Variants in STAT5B observed in about 807,000 individuals in gnomAD.
The protein encoded by STAT5B is signal transducer and activator of transcription 5B.
In STAT5B, 21 loss-of-function variants were observed where a neutral mutation model predicts 107.8. That is an observed-to-expected ratio of 0.19 (90% CI 0.14 to 0.28). STAT5B has a LOEUF of 0.28. STAT5B is among the 10% of genes least tolerant of loss of function. The pLI is 1.00. For synonymous variants in STAT5B, 325 were observed against 401.7 expected, an observed-to-expected ratio of 0.81 and a Z score of 2.28; for missense variants, 565 against 1,008.2, an observed-to-expected ratio of 0.56 and a Z score of 5.95.
At chr17:42,278,198 T>G (rs1180674959), upstream of STAT5B, among the ~76,000 whole-genome samples, 1 of 152,216 alleles carries the variant, frequency 6.6e-6, no homozygotes. Flanking sequence ...ACCGCGTTAT[T>G]CATGCCTCTA....
chr17:42,240,497 A>C (rs2080393008), intron 1 of STAT5B, among the ~76,000 whole-genome samples: 1 of 152,178 alleles, frequency 6.6e-6, no homozygotes, highest in African/African-American at 2.4e-5. Context: ...GGGAGGGAGA[A>C]ATGGGGAATG....
chr17:42,204,391 C>T (rs1422655651), intron 16 of STAT5B, among the ~76,000 whole-genome samples: 1 of 152,152 alleles, frequency 6.6e-6, no homozygotes, highest in Non-Finnish European at 1.5e-5. Context: ...TTATACTAGG[C>T]AAGGACGATC....
chr17:42,247,821 C>T (rs904293592), intron 1 of STAT5B, among the ~76,000 whole-genome samples: 6 of 151,876 alleles, frequency 4.0e-5, no homozygotes, highest in African/African-American at 1.2e-4. Context: ...CGTGTGGTGG[C>T]GCACACCTGT....
At chr17:42,266,876 A>G (rs1224575073) in intron 1 of STAT5B, among the ~76,000 whole-genome samples, 2 of 152,152 alleles carry the variant, frequency 1.3e-5, no homozygotes, top group Admixed American at 1.3e-4. Flanking sequence ...CATACATTAC[A>G]ATGAAATTAG....
At chr17:42,272,035 C>T (rs2080725607) in intron 1 of STAT5B, 1 of 152,158 alleles carries the variant, frequency 6.6e-6, no homozygotes, top group Non-Finnish European at 1.5e-5. Flanking sequence ...TATTACACTT[C>T]TTAGCATAAA....
the STAT5B span, among the ~76,000 whole-genome samples, chr17:42,284,363 T>C: frequency 6.6e-6 from 1 of 151,978 alleles, no homozygotes; most frequent in Non-Finnish European, 1.5e-5. Flanking sequence ...ACCTCCCTGG[T>C]TCAAGTGATT....
At chr17:42,211,885 T>C (rs1413515311) in intron 13 of STAT5B, 99 bp downstream of exon 13, 5 of 1,520,636 alleles carry the variant, frequency 3.3e-6, no homozygotes, top group African/African-American at 1.4e-5. Context: ...GTACATTTTA[T>C]TAGAGACATG....
chr17:42,241,392 T>C (rs1011564432), intron 1 of STAT5B, among the ~76,000 whole-genome samples: 2 of 151,532 alleles, frequency 1.3e-5, no homozygotes, highest in African/African-American at 4.8e-5. Flanking sequence ...CTGCTTTCTG[T>C]TGATACCAAC....
At chr17:42,273,421 A>T (rs1308234975) in intron 1 of STAT5B, among the ~76,000 whole-genome samples, 6 of 152,226 alleles carry the variant, frequency 3.9e-5, no homozygotes, top group African/African-American at 1.4e-4. Flanking sequence ...TATTCTTCTC[A>T]AGAGTCCAGT....
chr17:42,248,297 T>A lies in STAT5B; in HGVS notation c.-10-16160A>T, dbSNP rs866486373. 2.2e-3 allele frequency among the ~76,000 whole-genome samples: 258 copies of A among 117,838 alleles called. 2 individuals are homozygous for A. Among genetic ancestry groups the A allele is most frequent in the South Asian group, 0.014 (47 of 3,448 alleles). The allele number at this position is 117,838 out of a possible 152,430, so 77.3% of individuals were successfully genotyped here. ...CCAAAAAAAAAAAAAAAAAAAAAAA[T>A]CTTATTCTAATTCTGAGAAGAAATG... is the stretch of plus-strand genomic sequence containing the variant. On this transcript the variant is annotated intron_variant, in intron 1 of 18. Transcript: ENST00000293328.
At chr17:42,285,021 C>T in the STAT5B span, among the ~76,000 whole-genome samples, 1 of 151,966 alleles carries the variant, frequency 6.6e-6, no homozygotes, top group South Asian at 2.1e-4. Context: ...GAAGCCTAGG[C>T]TGCAGACTAT....
At chr17:42,262,096 C>A (rs770019629) in intron 1 of STAT5B, among the ~76,000 whole-genome samples, 1 of 152,120 alleles carries the variant, frequency 6.6e-6, no homozygotes, top group Non-Finnish European at 1.5e-5. Flanking sequence ...TATTTAAATT[C>A]TCTTAAAGTA....
chr17:42,263,001 TATATATATATATATAA>T (rs1246867365), intron 1 of STAT5B, among the ~76,000 whole-genome samples: 5,869 of 56,750 alleles, frequency 0.1, 429 homozygotes, highest in African/African-American at 0.13. Context: ...TATATATATA[TATATATATATATATAA>T]AAAAACAAAA....
At chr17:42,258,119 T>C (rs1044816840) in intron 1 of STAT5B, among the ~76,000 whole-genome samples, 1 of 152,220 alleles carries the variant, frequency 6.6e-6, no homozygotes, top group Non-Finnish European at 1.5e-5. Context: ...TTTCCCTTTA[T>C]GGAAATCATC....
At chr17:42,273,371 T>C (rs2080736882) in intron 1 of STAT5B, among the ~76,000 whole-genome samples, 1 of 152,246 alleles carries the variant, frequency 6.6e-6, no homozygotes, top group South Asian at 2.1e-4. Flanking sequence ...AGTTAAAGTA[T>C]TTTGATACTT....
Position 42,217,379 on chromosome 17 carries a change from T to C in STAT5B, c.1255A>G (p.Met419Val). Reference sequence around the variant, plus strand: ...TCTTCCTCTTCTTCCACCCTCACCATATTCCTGAAGTGGGCACTAAGGGTG... The same window carrying C: ...TCTTCCTCTTCTTCCACCCTCACCACATTCCTGAAGTGGGCACTAAGGGTG... ...TGTLSAHFRN[M>V]SLKRIKRSDR... The change falls in exon 10 of 19, where the codon ATG (methionine) becomes GTG (valine). Residue 419 changes from methionine (M) to valine (V), a missense_variant and splice_region_variant. Coordinates refer to ENST00000293328, the MANE Select transcript of STAT5B (RefSeq NM_012448.4). 1.9e-6 allele frequency: 3 copies of C among 1,614,214 alleles called. No individual in the cohort carries two copies. The highest frequency in any genetic ancestry group is 2.5e-6 in the Non-Finnish European group (3 of 1,180,046).
chr17:42,256,404 G>A (rs956862793), intron 1 of STAT5B, among the ~76,000 whole-genome samples: 1 of 152,018 alleles, frequency 6.6e-6, no homozygotes, highest in African/African-American at 2.4e-5. Flanking sequence ...TTCTTCCACA[G>A]TAAAAGGCAC....
intron 12 of STAT5B, 77 bp from the exon 13 acceptor site, chr17:42,212,267 C>G (rs2080135907): frequency 3.1e-6 from 5 of 1,608,976 alleles, no homozygotes; most frequent in Non-Finnish European, 4.2e-6. Context: ...AAGAAAAACG[C>G]TGATGGCTGG....
upstream of STAT5B, among the ~76,000 whole-genome samples, chr17:42,281,685 C>T (rs1180257270): frequency 6.6e-6 from 1 of 152,164 alleles, no homozygotes; most frequent in Non-Finnish European, 1.5e-5. Flanking sequence ...TCTCACACAC[C>T]TGCTCTCAGT....
Sources: allele counts gnomAD v4.1 joint callset (sites outside exome capture counted in the v4.1 genomes callset), GRCh38; gene constraint gnomAD v4.1.1; transcripts MANE v1.5; gene names NCBI Gene and HGNC (gene_info 2026-07-23, HGNC 2026-07-21).